Variants in ITGA8 observed in about 807,000 individuals in gnomAD.
ITGA8 encodes the protein integrin subunit alpha 8, also known as integrin alpha-8.
ITGA8 carries 91 observed loss-of-function variants against 142.3 expected under a neutral mutation model. That is an observed-to-expected ratio of 0.64 (90% CI 0.54 to 0.76). The LOEUF (loss-of-function observed/expected upper bound fraction) is 0.76, where lower values mean the gene tolerates loss of function less well. Among genes scored for constraint, ITGA8 ranks in the 30% least tolerant of loss-of-function variants. The pLI, the probability that ITGA8 is intolerant of heterozygous loss-of-function variation, is 0.00. For synonymous variants in ITGA8, 505 were observed against 485.2 expected (o/e 1.04, Z -0.54); for missense variants, 1,406 against 1,327.7 (o/e 1.06, Z -0.92).
chr10:15,666,822 A>G (rs2131679306), intron 8 of ITGA8, among the ~76,000 whole-genome samples: 1 of 152,320 alleles, frequency 6.6e-6, no homozygotes, highest in East Asian at 1.9e-4. Context: ...GATTACATTT[A>G]TTGATTTGCA....
chr10:15,519,555 G>T, intron 28 of ITGA8, 143 bp from the exon 29 acceptor site: 1 of 866,762 alleles, frequency 1.2e-6, no homozygotes, highest in Non-Finnish European at 1.9e-6. Context: ...TTGAGAGGTA[G>T]CACTCGAACA....
At chr10:15,537,375 G>A (rs1833466489) in intron 27 of ITGA8, among the ~76,000 whole-genome samples, 1 of 152,234 alleles carries the variant, frequency 6.6e-6, no homozygotes, top group Admixed American at 6.5e-5. Context: ...GGCTAAGGAT[G>A]TGGGTGAGCA....
chr10:15,601,890 AG>A (rs1833110629), intron 20 of ITGA8, among the ~76,000 whole-genome samples: 1 of 152,258 alleles, frequency 6.6e-6, no homozygotes, highest in Non-Finnish European at 1.5e-5. Context: ...TTTCCAAACA[AG>A]GAAGAAATTA....
chr10:15,531,951 GA>G (rs974753271), intron 27 of ITGA8, among the ~76,000 whole-genome samples: 4 of 132,632 alleles, frequency 3.0e-5, no homozygotes, highest in South Asian at 2.4e-4. Flanking sequence ...GTCTCAAAAA[GA>G]AAAAAAAATC....
At chr10:15,708,639 C>T (rs899664815) in intron 2 of ITGA8, among the ~76,000 whole-genome samples, 7 of 152,134 alleles carry the variant, frequency 4.6e-5, no homozygotes, top group African/African-American at 1.7e-4. Context: ...GTGTGCATTT[C>T]CTTTCTCATG....
chr10:15,643,950 C>G, intron 13 of ITGA8, 80 bp downstream of exon 13: 1 of 1,307,764 alleles, frequency 7.6e-7, no homozygotes. Flanking sequence ...AGAAAACTGC[C>G]TTTGCATGAT....
intron 2 of ITGA8, among the ~76,000 whole-genome samples, chr10:15,712,847 T>C (rs1006296183): frequency 6.6e-6 from 1 of 152,220 alleles, no homozygotes; most frequent in African/African-American, 2.4e-5. Flanking sequence ...TTCAAGATAA[T>C]TTCAAGCCAT....
Position 15,717,834 on chromosome 10 carries a change from T to C in ITGA8, c.343+932A>G, listed in dbSNP as rs1273881881. On this transcript the variant is annotated intron_variant, in intron 2 of 29. Coordinates refer to ENST00000378076, the MANE Select transcript of ITGA8 (RefSeq NM_003638.3). The stretch of plus-strand genomic sequence containing the variant: ...TCCAGCCAATTTCATCGAAATTCTG[T>C]GAAAATATTCCGCATAAATTCCATA... 2.6e-5 allele frequency among the ~76,000 whole-genome samples: 4 copies of C among 152,238 alleles called. No homozygotes were observed. The East Asian group carries it at 7.7e-4, about 29-fold the overall frequency.
At chr10:15,575,829 T>A (rs191423169) in intron 23 of ITGA8, among the ~76,000 whole-genome samples, 2 of 152,320 alleles carry the variant, frequency 1.3e-5, no homozygotes, top group Admixed American at 1.3e-4. Context: ...TTTTATAGCA[T>A]CTCATCTCGT....
intron 27 of ITGA8, among the ~76,000 whole-genome samples, chr10:15,543,458 C>G (rs990960389): frequency 2.6e-5 from 4 of 152,226 alleles, no homozygotes; most frequent in Non-Finnish European, 5.9e-5. Flanking sequence ...TCCAGCCCCA[C>G]TCAAGCCTTC....
intron 25 of ITGA8, among the ~76,000 whole-genome samples, chr10:15,563,467 T>C (rs1834019294): frequency 2.0e-5 from 3 of 152,250 alleles, no homozygotes; most frequent in Non-Finnish European, 2.9e-5. Flanking sequence ...TTATAGGTCA[T>C]TGACAATTAT....
At chr10:15,665,749 C>T (rs568853280) in intron 8 of ITGA8, among the ~76,000 whole-genome samples, 6 of 152,188 alleles carry the variant, frequency 3.9e-5, no homozygotes, top group African/African-American at 1.2e-4. Context: ...AGCCAGTTTT[C>T]CCAGCACCAT....
intron 25 of ITGA8, among the ~76,000 whole-genome samples, chr10:15,567,373 A>C (rs1834099100): frequency 6.6e-6 from 1 of 152,090 alleles, no homozygotes; most frequent in South Asian, 2.1e-4. Flanking sequence ...GAAATACTTC[A>C]CTCAACTCTA....
intron 25 of ITGA8, among the ~76,000 whole-genome samples, chr10:15,571,882 A>G (rs1834190921): frequency 6.6e-6 from 1 of 152,230 alleles, no homozygotes; most frequent in African/African-American, 2.4e-5. Context: ...ATAGCATTTT[A>G]TACTAATTCT....
chr10:15,624,786 C>A (rs1214904103), intron 13 of ITGA8, among the ~76,000 whole-genome samples: 1 of 152,202 alleles, frequency 6.6e-6, no homozygotes. Flanking sequence ...GGCTCACTTT[C>A]ATACAATGAT....
At chr10:15,566,293 G>A (rs1055437338) in intron 25 of ITGA8, among the ~76,000 whole-genome samples, 2 of 152,132 alleles carry the variant, frequency 1.3e-5, no homozygotes, top group African/African-American at 4.8e-5. Context: ...AACAGCATCA[G>A]CTTTCTCTCA....
intron 13 of ITGA8, among the ~76,000 whole-genome samples, chr10:15,629,081 C>G (rs1462893686): frequency 2.0e-5 from 3 of 151,788 alleles, no homozygotes; most frequent in Non-Finnish European, 4.4e-5. Flanking sequence ...ATCACACTGC[C>G]TACTCGTACT....
rs71374633 is a variant in ITGA8 at position 15,565,573 on chromosome 10, A to ATTTTTTTTTTT, written c.2637+6627_2637+6637dup. Among the ~76,000 whole-genome samples the ATTTTTTTTTTT allele has an allele frequency of 2.5e-3, 88 of 34,786 alleles. 14 individuals carry two copies. The highest frequency in any genetic ancestry group is 3.1e-3 in the Non-Finnish European group (61 of 19,700). The allele number at this position is 34,786 out of a possible 152,430, so 22.8% of individuals were successfully genotyped here. ...ATAATCTTCTTCCTTTCATGTCCTG[A>ATTTTTTTTTTT]TTTTTTTTTTTTTTTTTTTTTTTTT... On this transcript the variant is annotated intron_variant, in intron 25 of 29. Transcript: ENST00000378076.
At chr10:15,660,972 C>T in intron 8 of ITGA8, 50 bp from the exon 9 acceptor site, 1 of 1,161,924 alleles carries the variant, frequency 8.6e-7, no homozygotes, top group Non-Finnish European at 1.2e-6. Context: ...CACACACAAA[C>T]ACACACACAC....
Sources: allele counts gnomAD v4.1 joint callset (sites outside exome capture counted in the v4.1 genomes callset), GRCh38; gene constraint gnomAD v4.1.1; transcripts MANE v1.5; gene names NCBI Gene and HGNC (gene_info 2026-07-23, HGNC 2026-07-21).